POGZ: variants seen among roughly 807,000 people sequenced by gnomAD.
POGZ encodes the protein pogo transposable element with ZNF domain.
Under a neutral mutation model 134.6 loss-of-function variants are expected in POGZ, and 17 were observed. The observed-to-expected ratio is 0.13, with a 90% CI of 0.09 to 0.19. The LOEUF (loss-of-function observed/expected upper bound fraction) is 0.19. Ranked by LOEUF, POGZ falls within the 10% of genes least tolerant of loss-of-function variation. POGZ has a pLI of 1.00. For synonymous variants in POGZ, 693 were observed against 657.1 expected (o/e 1.05, Z -0.84); for missense variants, 1,306 against 1,769.7 (o/e 0.74, Z 4.70).
In POGZ at chr1:151,406,473, G is replaced by T; in HGVS notation, c.2571-9C>A. 1 of 1,557,124 alleles carries T rather than the reference G, an allele frequency of 6.4e-7. No homozygotes were observed. The highest frequency in any genetic ancestry group is 8.6e-7 in the Non-Finnish European group (1 of 1,156,566). On this transcript the variant is annotated splice_polypyrimidine_tract_variant and intron_variant, in intron 18 of 18. Coordinates refer to ENST00000271715, the MANE Select transcript of POGZ (RefSeq NM_015100.4). ...CACGAGTCTGGCCATGCCTAAAGGG[G>T]TGAGGAGCAAAGAGAAGAGGAGAAA... is the stretch of plus-strand genomic sequence containing the variant.
intron 12 of POGZ, among the ~76,000 whole-genome samples, 183 bp from the exon 13 acceptor site, chr1:151,409,011 C>T (rs867221591): frequency 6.6e-6 from 1 of 152,084 alleles, no homozygotes; most frequent in Non-Finnish European, 1.5e-5. Flanking sequence ...AGAATCATCA[C>T]CTCCCATGAT....
chr1:151,437,080 G>A (rs1659711046), intron 3 of POGZ, among the ~76,000 whole-genome samples: 1 of 152,078 alleles, frequency 6.6e-6, no homozygotes. Context: ...TGCAGTCCCA[G>A]CTACTTGGGA....
At chr1:151,446,424 A>G (rs1039703369) in intron 1 of POGZ, among the ~76,000 whole-genome samples, 10 of 152,144 alleles carry the variant, frequency 6.6e-5, no homozygotes, top group African/African-American at 2.4e-4. Context: ...CGAATTTCAG[A>G]TATTTAAAGC....
At chr1:151,424,313 TG>T in intron 8 of POGZ, 27 bp from the exon 9 acceptor site, 1 of 1,398,588 alleles carries the variant, frequency 7.2e-7, no homozygotes, top group Non-Finnish European at 9.8e-7. Context: ...CTGATCATTC[TG>T]GTTATCCTGG....
At chr1:151,416,914 G>A (rs1388803774) in intron 10 of POGZ, among the ~76,000 whole-genome samples, 2 of 152,146 alleles carry the variant, frequency 1.3e-5, no homozygotes, top group Non-Finnish European at 2.9e-5. Flanking sequence ...TTAGAGGCAT[G>A]AGTCACCATG....
intron 12 of POGZ, 75 bp downstream of exon 12, chr1:151,411,550 T>A: frequency 9.4e-7 from 1 of 1,061,992 alleles, no homozygotes; most frequent in Admixed American, 2.3e-5. Flanking sequence ...TTTGCCTAGC[T>A]CAGCCCTGGC....
chr1:151,423,522 T>A lies in POGZ; in HGVS notation c.1553A>T (p.Glu518Val), dbSNP rs1160818592. 1 of 1,613,790 alleles carries A rather than the reference T, an allele frequency of 6.2e-7. No homozygotes were observed. The highest frequency in any genetic ancestry group is 8.5e-7 in the Non-Finnish European group (1 of 1,179,844). Residue 518 changes from glutamate (E) to valine (V), a missense_variant, in exon 10 of 19, where the codon GAA becomes GTA. Glu to Val is a moderately radical substitution (Grantham distance 121). Transcript: ENST00000271715. ...RFMNHMKHHV[E>V]LDQQNGEVDG... is the part of the protein sequence containing the mutation. ...TACCTCACCGTTCTGCTGATCGAGT[T>A]CTACGTGGTGTTTCATATGGTTCAT...
chr1:151,441,964 G>C, intron 2 of POGZ, 117 bp downstream of exon 2: 1 of 683,518 alleles, frequency 1.5e-6, no homozygotes, highest in Non-Finnish European at 2.4e-6. Flanking sequence ...ACCAGTGAGT[G>C]CCACAACGAG....
chr1:151,449,439 T>C (rs1334336591), intron 1 of POGZ, among the ~76,000 whole-genome samples: 1 of 152,090 alleles, frequency 6.6e-6, no homozygotes, highest in Non-Finnish European at 1.5e-5. Flanking sequence ...CAGAACATCC[T>C]ACAATGCATA....
chr1:151,445,208 A>G (rs965680919), intron 1 of POGZ, among the ~76,000 whole-genome samples: 1 of 152,190 alleles, frequency 6.6e-6, no homozygotes, highest in Non-Finnish European at 1.5e-5. Context: ...AATGTAAATT[A>G]AAAGACTCAA....
chr1:151,454,515 A>T (rs1023395290), intron 1 of POGZ, among the ~76,000 whole-genome samples: 3 of 152,208 alleles, frequency 2.0e-5, no homozygotes, highest in Non-Finnish European at 2.9e-5. Context: ...TAAAATTTCC[A>T]AACTCAAAAT....
chr1:151,406,083 A>T lies in POGZ; in HGVS notation c.2952T>A (p.Ala984=). ...SVKKLRVVLF[A]LCCNTEQAAE... is the part of the protein sequence containing the mutation. ...CTGCCTGTTCTGTATTGCAGCATAG[A>T]GCAAACAGTACTACTCGAAGCTTCT... The change falls in exon 19 of 19, where the codon GCT becomes GCA. Residue 984 remains alanine (A), a synonymous_variant. Transcript: ENST00000271715. 6.2e-7 allele frequency: 1 copy of T among 1,614,198 alleles called. No individual in the cohort carries two copies. The highest frequency in any genetic ancestry group is 8.5e-7 in the Non-Finnish European group (1 of 1,180,030).
chr1:151,426,424 G>C (rs1657790264), intron 7 of POGZ: 1 of 152,032 alleles, frequency 6.6e-6, no homozygotes, highest in African/African-American at 2.4e-5. Context: ...CTGACCTCGT[G>C]ATCCACCTGC....
Position 151,403,703 on chromosome 1 carries a change from G to T in POGZ, c.*1099C>A, listed in dbSNP as rs1321047299. On this transcript the variant is annotated 3_prime_UTR_variant, in exon 19 of 19. Coordinates refer to ENST00000271715, the MANE Select transcript of POGZ (RefSeq NM_015100.4). ...TCTTCCCTAAGTATTAAGAGAAATA[G>T]GGGAAAGCCACAGAGCACGCTGGAT... The T allele has an allele frequency of 1.0e-6, 1 of 985,738 alleles. No individual in the cohort carries two copies. Among genetic ancestry groups the T allele is most frequent in the African/African-American group, 1.7e-5 (1 of 57,242 alleles). The allele number at this position is 985,738 out of a possible 1,614,324, so 61.1% of individuals were successfully genotyped here.
At position 151,402,752 on chromosome 1, in the gene POGZ, T is replaced by G. The variant is rs1430802348; in HGVS notation, c.*2050A>C. ...AGTCAATAAATACATGTTTATTGAT[T>G]AAACTGAATTATAAAAAACAAAACC... is the stretch of plus-strand genomic sequence containing the variant. On this transcript the variant is annotated 3_prime_UTR_variant, in exon 19 of 19. Coordinates refer to ENST00000271715, the MANE Select transcript of POGZ (RefSeq NM_015100.4). 6.6e-6 allele frequency: 1 copy of G among 152,170 alleles called. No homozygotes were observed. The highest frequency in any genetic ancestry group is 1.5e-5 in the Non-Finnish European group (1 of 68,040). 9.4% of individuals were successfully genotyped at this position (152,170 alleles called of 1,614,324 possible).
At chr1:151,445,084 C>T (rs1661076959) in intron 1 of POGZ, among the ~76,000 whole-genome samples, 1 of 151,824 alleles carries the variant, frequency 6.6e-6, no homozygotes, top group African/African-American at 2.4e-5. Flanking sequence ...TGGAAATAAC[C>T]AAAAAGGGTA....
chr1:151,458,235 G>A (rs1663002757), intron 1 of POGZ, among the ~76,000 whole-genome samples: 1 of 152,092 alleles, frequency 6.6e-6, no homozygotes, highest in African/African-American at 2.4e-5. Flanking sequence ...AAAACAAATA[G>A]ATCAATGACA....
At position 151,440,941 on chromosome 1, in the gene POGZ, A is replaced by T. The variant is rs751658585; in HGVS notation, c.270T>A (p.Ile90=). The part of the protein sequence containing the change: ...DSTKKTLVTL[I]ANNNAGNPLV... ...AATCCCACTTACCATTGTTGTTGGC[A>T]ATTAGTGTGACAAGAGTCTTCTTTG... Residue 90 remains isoleucine, a synonymous_variant, in exon 3 of 19, where the codon ATT becomes ATA. Coordinates refer to ENST00000271715, the MANE Select transcript of POGZ (RefSeq NM_015100.4). 1.9e-6 allele frequency: 3 copies of T among 1,613,314 alleles called. No homozygotes were observed. In the Admixed American group the frequency reaches 5.0e-5, roughly 27 times the overall value.
chr1:151,406,880 T>C lies in POGZ; in HGVS notation c.2545+31A>G, dbSNP rs528084332. ...GAACCTGTATCTTTTTTCCTCCCCT[T>C]GCTCAACTAATCCCCTTCTCTCCTA... On this transcript the variant is annotated intron_variant, in intron 17 of 18. Transcript: ENST00000271715. 9.8e-6 allele frequency: 15 copies of C among 1,526,826 alleles called. No homozygotes were observed. In the South Asian group the frequency reaches 1.7e-4, roughly 17 times the overall value. The allele number at this position is 1,526,826 out of a possible 1,614,324, so 94.6% of individuals were successfully genotyped here. A position where few individuals can be genotyped will look rare whatever the true frequency, so the allele number is the denominator to read the frequency against.
Sources: allele counts gnomAD v4.1 joint callset (sites outside exome capture counted in the v4.1 genomes callset), GRCh38; gene constraint gnomAD v4.1.1; transcripts MANE v1.5; gene names NCBI Gene and HGNC (gene_info 2026-07-23, HGNC 2026-07-21).